DTNA: variants seen among roughly 807,000 people sequenced by gnomAD.
DTNA encodes the protein dystrobrevin alpha.
Under a neutral mutation model 100.7 loss-of-function variants are expected in DTNA, and 43 were observed. That is an observed-to-expected ratio of 0.43 (90% CI 0.33 to 0.55). DTNA has a LOEUF of 0.55. DTNA is among the 20% of genes least tolerant of loss of function. DTNA has a pLI of 0.04. For synonymous variants in DTNA, 349 were observed against 347.9 expected, an observed-to-expected ratio of 1.00 and a Z score of -0.04; for missense variants, 798 against 953.9, an observed-to-expected ratio of 0.84 and a Z score of 2.15.
chr18:34,612,511 GA>G (rs1490050485), intron 1 of DTNA, among the ~76,000 whole-genome samples: 1 of 152,158 alleles, frequency 6.6e-6, no homozygotes, highest in East Asian at 1.9e-4. Flanking sequence ...ACCCTCAGCG[GA>G]AGGGGCCCTG....
chr18:34,850,826 G>GAT (rs937334446), intron 14 of DTNA, among the ~76,000 whole-genome samples: 25 of 151,636 alleles, frequency 1.6e-4, no homozygotes, highest in African/African-American at 4.1e-4. Flanking sequence ...TACACAAACA[G>GAT]ATATATATAT....
At chr18:34,875,637 T>A (rs2096808094) in intron 18 of DTNA, among the ~76,000 whole-genome samples, 1 of 152,238 alleles carries the variant, frequency 6.6e-6, no homozygotes, top group Non-Finnish European at 1.5e-5. Context: ...TAAGTCTTTG[T>A]TCATCAAAAG....
chr18:34,659,791 G>A (rs1000055316), intron 1 of DTNA, among the ~76,000 whole-genome samples: 9 of 152,154 alleles, frequency 5.9e-5, no homozygotes, highest in African/African-American at 1.9e-4. Context: ...ACCGGTGACC[G>A]TATTTAGTGC....
chr18:34,667,057 A>G (rs1220734787), intron 1 of DTNA, among the ~76,000 whole-genome samples: 1 of 152,224 alleles, frequency 6.6e-6, no homozygotes, highest in Non-Finnish European at 1.5e-5. Context: ...ATCCATGAGC[A>G]TGGAATGTTC....
intron 1 of DTNA, among the ~76,000 whole-genome samples, chr18:34,698,232 A>G (rs906843051): frequency 1.3e-5 from 2 of 152,186 alleles, no homozygotes; most frequent in Admixed American, 6.5e-5. Context: ...CCCAGAAACT[A>G]CCTGCATTAG....
At chr18:34,659,930 G>A (rs2074955221) in intron 1 of DTNA, among the ~76,000 whole-genome samples, 3 of 152,154 alleles carry the variant, frequency 2.0e-5, no homozygotes, top group African/African-American at 4.8e-5. Context: ...CATTCTTTTG[G>A]TTGCTTTTGC....
At chr18:34,862,781 C>G (rs954474722) in intron 16 of DTNA, among the ~76,000 whole-genome samples, 4 of 152,074 alleles carry the variant, frequency 2.6e-5, no homozygotes, top group Admixed American at 2.6e-4. Context: ...GCGTAGGCAA[C>G]AGAGTGAGAC....
intron 20 of DTNA, among the ~76,000 whole-genome samples, chr18:34,880,917 C>A (rs1056542056): frequency 1.3e-5 from 2 of 152,140 alleles, no homozygotes; most frequent in South Asian, 4.1e-4. Context: ...AAATTCATAT[C>A]TATTTGACTT....
rs1200344075 is a variant in DTNA at position 34,550,509 on chromosome 18, A to AT, written c.-2+57001dup. ...GGGTGGTGAGCAGGTGAATCGACAC[A>AT]TTTTTTAATACATTTTCCAAAATTG... is the stretch of plus-strand genomic sequence containing the variant. On this transcript the variant is annotated intron_variant, in intron 1 of 19. Transcript: ENST00000283365. Among the ~76,000 whole-genome samples, 3 of 152,154 alleles carry AT rather than the reference A, an allele frequency of 2.0e-5. No homozygotes were observed. The East Asian group carries it at 5.8e-4, about 29-fold the overall frequency.
intron 1 of DTNA, among the ~76,000 whole-genome samples, chr18:34,540,756 T>TA (rs1460061434): frequency 5.3e-5 from 8 of 152,006 alleles, no homozygotes; most frequent in Non-Finnish European, 1.0e-4. Flanking sequence ...CTATCCAGAA[T>TA]AAAAAATAGA....
At chr18:34,563,467 A>AT (rs1243304860) in intron 1 of DTNA, among the ~76,000 whole-genome samples, 1 of 152,154 alleles carries the variant, frequency 6.6e-6, no homozygotes, top group East Asian at 1.9e-4. Context: ...TTTTTGCTTA[A>AT]TTGTTATGGA....
intron 1 of DTNA, among the ~76,000 whole-genome samples, chr18:34,669,663 T>C (rs1275328100): frequency 6.6e-6 from 1 of 152,174 alleles, no homozygotes; most frequent in Non-Finnish European, 1.5e-5. Context: ...CTGTAAAGGA[T>C]TTTATTTCCC....
Position 34,889,611 on chromosome 18 carries a change from T to C in DTNA, c.*1877T>C. 1.0e-6 allele frequency: 1 copy of C among 985,536 alleles called. No individual in the cohort carries two copies. 61.0% of individuals were successfully genotyped at this position (985,536 alleles called of 1,614,324 possible). On this transcript the variant is annotated 3_prime_UTR_variant, in exon 23 of 23. Transcript: ENST00000444659. ...ATGCCCCCTCTGCAGAGGGCGGCTG[T>C]ACGATGTTCACATGTCTGCGTTTGG...
chr18:34,648,174 A>G (rs2060063730), intron 1 of DTNA, among the ~76,000 whole-genome samples: 1 of 152,220 alleles, frequency 6.6e-6, no homozygotes. Flanking sequence ...ATAAGACCCC[A>G]GAGGGTCTGA....
chr18:34,806,259 G>T lies in DTNA; in HGVS notation c.403G>T (p.Ala135Ser), dbSNP rs2149253090. 1 of 1,613,912 alleles carries T rather than the reference G, an allele frequency of 6.2e-7. No individual in the cohort carries two copies. Among genetic ancestry groups the T allele is most frequent in the Non-Finnish European group, 8.5e-7 (1 of 1,179,922 alleles). The stretch of plus-strand genomic sequence containing the variant: ...AATTTCAGTATTTGCTGTCAAAATG[G>T]CTTTAGCCACATTGTGTGGAGGGAA... Reference protein sequence around the residue: ...GKISVFAVKMALATLCGGKIM... With the variant: ...GKISVFAVKMSLATLCGGKIM... Residue 135 changes from alanine (A) to serine (S), a missense_variant, in exon 5 of 23, where the codon GCT (alanine) becomes TCT (serine). Physicochemically the swap from Ala to Ser is moderately conservative, Grantham distance 99. This residue lies in a region of DTNA where 197 missense variants were observed against 215.4 expected (regional missense o/e 0.91). Transcript: ENST00000444659.
intron 1 of DTNA, among the ~76,000 whole-genome samples, chr18:34,654,146 C>G (rs183457899): frequency 6.6e-6 from 1 of 152,108 alleles, no homozygotes; most frequent in East Asian, 1.9e-4. Flanking sequence ...AATTTTTTCT[C>G]CTGTTATTGG....
rs78684029 is a variant in DTNA at position 34,616,208 on chromosome 18, C to T, written c.-2+122694C>T. Among the ~76,000 whole-genome samples, 819 of 152,252 alleles carry T rather than the reference C, an allele frequency of 5.4e-3. 6 individuals carry two copies. The highest frequency in any genetic ancestry group is 0.017 in the African/African-American group (716 of 41,542). Reference sequence around the variant, plus strand: ...AATTAATTTACATTTCCACTAGCAACGTATAAGTGCTCCCTTTCCTCCACA... The same window carrying T: ...AATTAATTTACATTTCCACTAGCAATGTATAAGTGCTCCCTTTCCTCCACA... On this transcript the variant is annotated intron_variant, in intron 1 of 19. Transcript: ENST00000283365.
chr18:34,730,753 A>G (rs759291546), intron 1 of DTNA, among the ~76,000 whole-genome samples: 14 of 152,054 alleles, frequency 9.2e-5, no homozygotes, highest in Non-Finnish European at 1.9e-4. Flanking sequence ...CTCTCACCCT[A>G]ATATCTATGC....
At chr18:34,564,817 C>T (rs2046946203) in intron 1 of DTNA, among the ~76,000 whole-genome samples, 1 of 152,158 alleles carries the variant, frequency 6.6e-6, no homozygotes, top group South Asian at 2.1e-4. Flanking sequence ...CACTGACCCT[C>T]CATAGACAGG....
Sources: gnomAD v4.1 joint callset for allele counts (sites outside exome capture counted in the v4.1 genomes callset) on GRCh38, gnomAD v4.1.1 for gene constraint, gnomAD v4.1.1 regional missense constraint, MANE v1.5 for transcripts, NCBI Gene and HGNC (gene_info 2026-07-23, HGNC 2026-07-21) for gene names.